CNTNAP3B: variants seen among roughly 807,000 people sequenced by gnomAD.
CNTNAP3B encodes contactin-associated protein-like 3B.
Under a neutral mutation model 108.9 loss-of-function variants are expected in CNTNAP3B, and 25 were observed. The ratio of observed to expected loss-of-function variants is 0.23; its 90% CI spans 0.17 to 0.32. The LOEUF (loss-of-function observed/expected upper bound fraction) is 0.32, where lower values mean the gene tolerates loss of function less well. CNTNAP3B is among the 10% of genes least tolerant of loss of function. The probability of loss-of-function intolerance (pLI) is 1.00; values close to 1 mark genes in which losing one functional copy is unlikely to be tolerated. For missense variants in CNTNAP3B, 252 were observed against 1,210.4 expected (o/e 0.21, Z 11.75); for synonymous variants, 103 against 473.4 (o/e 0.22, Z 10.16).
At chr9:41,950,428 G>C (rs542815467) in intron 13 of CNTNAP3B, among the ~76,000 whole-genome samples, 1 of 135,224 alleles carries the variant, frequency 7.4e-6, no homozygotes, top group East Asian at 2.2e-4. Context: ...CACAAAACCT[G>C]TACACAATGT....
chr9:41,952,427 G>C (rs1824716668), intron 13 of CNTNAP3B, among the ~76,000 whole-genome samples: 1 of 152,234 alleles, frequency 6.6e-6, no homozygotes, highest in Admixed American at 6.5e-5. Flanking sequence ...AAAATGAAAG[G>C]TAAATTTCAG....
At chr9:42,028,869 T>C (rs1373373987) in intron 3 of CNTNAP3B, among the ~76,000 whole-genome samples, 15 of 151,824 alleles carry the variant, frequency 9.9e-5, no homozygotes, top group African/African-American at 3.4e-4. Flanking sequence ...ATCAAATGGC[T>C]AACCTCCACC....
At chr9:41,966,098 C>T (rs867598220) in intron 10 of CNTNAP3B, among the ~76,000 whole-genome samples, 141 of 145,800 alleles carry the variant, frequency 9.7e-4, no homozygotes, top group African/African-American at 2.3e-3. Flanking sequence ...AGAGGGGGAG[C>T]TGGAGCGACA....
At chr9:42,056,102 T>C (rs529845523) in intron 3 of CNTNAP3B, among the ~76,000 whole-genome samples, 2 of 127,664 alleles carry the variant, frequency 1.6e-5, no homozygotes, top group South Asian at 2.5e-4. Flanking sequence ...CTGAGCATTA[T>C]GCTGAGCAAT....
intron 9 of CNTNAP3B, among the ~76,000 whole-genome samples, chr9:41,970,825 C>T: frequency 7.2e-6 from 1 of 138,178 alleles, no homozygotes; most frequent in Non-Finnish European, 1.5e-5. Context: ...ATTTGCTTTT[C>T]TAGTAACACT....
intron 13 of CNTNAP3B, among the ~76,000 whole-genome samples, chr9:41,938,605 A>C (rs1416806887): frequency 1.3e-5 from 2 of 152,286 alleles, no homozygotes; most frequent in Admixed American, 6.5e-5. Flanking sequence ...TTCAATATCT[A>C]GGCTTAAATG....
intron 2 of CNTNAP3B, among the ~76,000 whole-genome samples, chr9:42,080,121 G>C (rs1429184576): frequency 7.5e-6 from 1 of 133,824 alleles, no homozygotes; most frequent in African/African-American, 3.0e-5. Flanking sequence ...GAGTTGACAC[G>C]GTTCTGGTGT....
chr9:41,917,160 T>C (rs1823538326), intron 18 of CNTNAP3B, among the ~76,000 whole-genome samples: 1 of 150,502 alleles, frequency 6.6e-6, no homozygotes, highest in Non-Finnish European at 1.5e-5. Context: ...TTCAATTACG[T>C]ATATGTTGGT....
chr9:41,917,927 G>T (rs1823562345), intron 18 of CNTNAP3B, among the ~76,000 whole-genome samples: 2 of 152,274 alleles, frequency 1.3e-5, no homozygotes, highest in Admixed American at 1.3e-4. Context: ...GGAGGTGCAG[G>T]GAGAGGGTCT....
chr9:41,929,694 C>T (rs1453135517), intron 14 of CNTNAP3B, among the ~76,000 whole-genome samples: 1 of 137,142 alleles, frequency 7.3e-6, no homozygotes, highest in Non-Finnish European at 1.6e-5. Context: ...AACTCTGCCA[C>T]CAAGTGTGAA....
intron 14 of CNTNAP3B, among the ~76,000 whole-genome samples, chr9:41,931,089 C>T (rs1162864256): frequency 6.6e-6 from 1 of 152,282 alleles, no homozygotes; most frequent in African/African-American, 2.4e-5. Flanking sequence ...AGTTCTCAAA[C>T]CTTCTTTTGT....
intron 1 of CNTNAP3B, among the ~76,000 whole-genome samples, chr9:42,123,693 A>G (rs1298409010): frequency 7.2e-6 from 1 of 138,692 alleles, no homozygotes; most frequent in East Asian, 2.2e-4. Flanking sequence ...TTTGCCTGAG[A>G]AGCAATGACA....
intron 3 of CNTNAP3B, among the ~76,000 whole-genome samples, chr9:42,071,695 G>A (rs1234909468): frequency 8.5e-5 from 11 of 128,780 alleles, no homozygotes; most frequent in African/African-American, 3.4e-4. Flanking sequence ...GGGCTGTCAT[G>A]GTAATAACAG....
intron 3 of CNTNAP3B, among the ~76,000 whole-genome samples, chr9:42,061,457 G>A (rs1827178153): frequency 7.4e-6 from 1 of 134,508 alleles, no homozygotes; most frequent in Admixed American, 7.4e-5. Flanking sequence ...AGCTGGGACA[G>A]CAGGCGAGCA....
In CNTNAP3B at chr9:42,036,437, T is replaced by G. The variant is rs1337852096; in HGVS notation, c.391-22912A>C. Among the ~76,000 whole-genome samples, 8 of 139,558 alleles carry G rather than the reference T, an allele frequency of 5.7e-5. 2 individuals carry two copies. In the East Asian group the frequency reaches 1.7e-3, roughly 30 times the overall value. The allele number at this position is 139,558 out of a possible 152,430, so 91.6% of individuals were successfully genotyped here. A position where few individuals can be genotyped will look rare whatever the true frequency, so the allele number is the denominator to read the frequency against. ...GATATATGTCATGGAAATCTTTCTA[T>G]GAATTTGGGTCTCACTAATACTTTT... On this transcript the variant is annotated intron_variant, in intron 3 of 23. Transcript: ENST00000377561.
chr9:41,923,556 G>A (rs1335776477), intron 16 of CNTNAP3B, among the ~76,000 whole-genome samples: 223 of 152,102 alleles, frequency 1.5e-3, no homozygotes, highest in Non-Finnish European at 2.3e-3. Context: ...GAGGCCAGGA[G>A]TTGAAGACCA....
At chr9:41,935,549 T>TC (rs1444412853) in intron 14 of CNTNAP3B, among the ~76,000 whole-genome samples, 2 of 152,296 alleles carry the variant, frequency 1.3e-5, no homozygotes, top group Non-Finnish European at 2.9e-5. Flanking sequence ...ACTGGTAAAT[T>TC]CCATTTTTAT....
chr9:42,063,258 G>A (rs1827206060), intron 3 of CNTNAP3B, among the ~76,000 whole-genome samples: 1 of 128,088 alleles, frequency 7.8e-6, no homozygotes, highest in South Asian at 2.5e-4. Flanking sequence ...GTGTGTGTGT[G>A]TCTCTGCAAA....
intron 18 of CNTNAP3B, among the ~76,000 whole-genome samples, chr9:41,918,219 G>A (rs1158267872): frequency 1.3e-5 from 2 of 150,704 alleles, no homozygotes; most frequent in African/African-American, 2.5e-5. Flanking sequence ...GAAGTAACTA[G>A]AGAAAAGGTG....
Sources: allele counts gnomAD v4.1 joint callset (sites outside exome capture counted in the v4.1 genomes callset), GRCh38; gene constraint gnomAD v4.1.1; transcripts MANE v1.5; gene names NCBI Gene and HGNC (gene_info 2026-07-23, HGNC 2026-07-21).